Variants in LRMDA observed in about 807,000 individuals in gnomAD.
LRMDA encodes the protein leucine rich melanocyte differentiation associated, also known as leucine-rich melanocyte differentiation-associated protein.
A neutral mutation model predicts 29.8 loss-of-function variants in LRMDA; 18 were observed. The observed-to-expected ratio is 0.60, with a 90% CI of 0.42 to 0.90. The LOEUF is 0.90. LRMDA is among the 40% of genes least tolerant of loss of function. The probability of loss-of-function intolerance (pLI) is 0.00; values close to 1 mark genes in which losing one functional copy is unlikely to be tolerated. For missense variants in LRMDA, 273 were observed against 273.9 expected, an observed-to-expected ratio of 1.00 and a Z score of 0.02; for synonymous variants, 125 against 109.4, an observed-to-expected ratio of 1.14 and a Z score of -0.89.
rs145651283 is a variant in LRMDA at position 76,040,570 on chromosome 10, TTCTC to T, written c.258+4451_258+4454del. 1.2e-4 allele frequency among the ~76,000 whole-genome samples: 17 copies of T among 145,690 alleles called. 1 individual carries two copies. Among genetic ancestry groups the T allele is most frequent in the Admixed American group, 1.0e-3 (14 of 13,708 alleles). ...ACCCCTTCCCCACTGCTCACACTCTTTCTCTCTCTCTCTCTCTCACACCCAACCA... is the reference window on the plus strand; with the variant it reads ...ACCCCTTCCCCACTGCTCACACTCTTTCTCTCTCTCTCTCACACCCAACCA... On this transcript the variant is annotated intron_variant, in intron 3 of 6. Coordinates refer to ENST00000611255, the MANE Select transcript of LRMDA (RefSeq NM_001305581.2).
chr10:76,014,604 A>G (rs1343869122), intron 2 of LRMDA, among the ~76,000 whole-genome samples: 1 of 152,224 alleles, frequency 6.6e-6, no homozygotes, highest in Admixed American at 6.5e-5. Context: ...ATGAAACAAA[A>G]TAGCAGTTCA....
At chr10:76,002,184 C>A (rs1213550902) in intron 2 of LRMDA, among the ~76,000 whole-genome samples, 1 of 152,152 alleles carries the variant, frequency 6.6e-6, no homozygotes, top group Non-Finnish European at 1.5e-5. Flanking sequence ...AGACAGCACA[C>A]CCTGTTCACT....
At chr10:75,751,875 G>A (rs185335588) in intron 2 of LRMDA, among the ~76,000 whole-genome samples, 1 of 152,180 alleles carries the variant, frequency 6.6e-6, no homozygotes, top group Non-Finnish European at 1.5e-5. Flanking sequence ...CCTGAAGTGG[G>A]CTGTGCATCC....
chr10:76,554,882 T>TGTGTG (rs1467454637), intron 6 of LRMDA, among the ~76,000 whole-genome samples: 1 of 150,598 alleles, frequency 6.6e-6, no homozygotes, highest in Non-Finnish European at 1.5e-5. Context: ...TGTGTGTGTG[T>TGTGTG]GTGTGTGTGT....
rs146075120 is a variant in LRMDA, at chr10:76,407,214, A to G, written c.601+82729A>G. 1.5e-3 allele frequency among the ~76,000 whole-genome samples: 221 copies of G among 152,318 alleles called. 3 individuals are homozygous for G. The highest frequency in any genetic ancestry group is 2.6e-3 in the Non-Finnish European group (174 of 68,028). ...TGGAGGAAGGCAGGGAGTGATACTC[A>G]AAGTTGCGGATATGTCTTAAGAGAA... is the stretch of plus-strand genomic sequence containing the variant. On this transcript the variant is annotated intron_variant, in intron 6 of 6. Transcript: ENST00000611255.
chr10:76,043,885 G>C (rs775365435), intron 3 of LRMDA, among the ~76,000 whole-genome samples: 1 of 152,234 alleles, frequency 6.6e-6, no homozygotes, highest in Non-Finnish European at 1.5e-5. Context: ...AGAAAAAAGA[G>C]CCAAGCTTTG....
chr10:75,996,620 A>G (rs1041164039), intron 2 of LRMDA, among the ~76,000 whole-genome samples: 4 of 152,186 alleles, frequency 2.6e-5, no homozygotes, highest in African/African-American at 9.7e-5. Context: ...ATTGCATATC[A>G]TTCTATACTC....
chr10:76,240,732 C>A (rs1852257726), intron 5 of LRMDA, among the ~76,000 whole-genome samples: 1 of 149,196 alleles, frequency 6.7e-6, no homozygotes, highest in Non-Finnish European at 1.5e-5. Flanking sequence ...GCCCAAATGC[C>A]CATTAATCAA....
intron 2 of LRMDA, among the ~76,000 whole-genome samples, chr10:75,476,643 C>A (rs1401517470): frequency 6.6e-6 from 1 of 152,142 alleles, no homozygotes; most frequent in Non-Finnish European, 1.5e-5. Flanking sequence ...CAGCAGATGA[C>A]TTTTCTAGCT....
At chr10:76,245,786 A>G (rs751035075) in intron 5 of LRMDA, among the ~76,000 whole-genome samples, 9 of 152,212 alleles carry the variant, frequency 5.9e-5, no homozygotes, top group Non-Finnish European at 1.3e-4. Flanking sequence ...ATTGTATACA[A>G]TACACCAGAC....
At chr10:75,790,866 A>G (rs1018150304) in intron 2 of LRMDA, among the ~76,000 whole-genome samples, 10 of 152,246 alleles carry the variant, frequency 6.6e-5, no homozygotes, top group African/African-American at 2.4e-4. Context: ...AAGAACTGCA[A>G]TATCCTCTGT....
intron 2 of LRMDA, among the ~76,000 whole-genome samples, chr10:75,775,181 G>T (rs1306208456): frequency 1.3e-5 from 2 of 152,248 alleles, no homozygotes; most frequent in African/African-American, 4.8e-5. Flanking sequence ...TTTATAGGAA[G>T]AGGTCAGATT....
At chr10:76,188,826 G>A (rs1851192583) in intron 5 of LRMDA, among the ~76,000 whole-genome samples, 1 of 152,042 alleles carries the variant, frequency 6.6e-6, no homozygotes, top group African/African-American at 2.4e-5. Flanking sequence ...TAATAGAGAG[G>A]TGTTCAAACC....
chr10:75,560,374 C>T (rs1393337366), intron 2 of LRMDA, among the ~76,000 whole-genome samples: 1 of 151,220 alleles, frequency 6.6e-6, no homozygotes, highest in African/African-American at 2.4e-5. Flanking sequence ...GATTTTTGCA[C>T]ATTGATTTTG....
Position 76,557,431 on chromosome 10 carries a change from C to T in LRMDA, c.*143C>T, listed in dbSNP as rs1374895337. ...TATGACTTCAGCTTTTGGTACCTTCCGCTGACTTTGCCAGGCCTGTCAAGA... is the reference window on the plus strand; with the variant it reads ...TATGACTTCAGCTTTTGGTACCTTCTGCTGACTTTGCCAGGCCTGTCAAGA... On this transcript the variant is annotated 3_prime_UTR_variant, in exon 7 of 7. Coordinates refer to ENST00000611255, the MANE Select transcript of LRMDA (RefSeq NM_001305581.2). The T allele has an allele frequency of 1.5e-5, 10 of 679,578 alleles. No individual in the cohort carries two copies. Among genetic ancestry groups the T allele is most frequent in the South Asian group, 5.5e-5 (3 of 54,126 alleles). 42.1% of individuals were successfully genotyped at this position (679,578 alleles called of 1,614,324 possible).
chr10:75,954,929 T>G (rs143257459), intron 2 of LRMDA, among the ~76,000 whole-genome samples: 68 of 152,320 alleles, frequency 4.5e-4, no homozygotes, highest in African/African-American at 1.5e-3. Context: ...TTTTTATGAA[T>G]GCACACAAGT....
chr10:75,547,557 G>A (rs192785998), intron 2 of LRMDA, among the ~76,000 whole-genome samples: 11 of 152,244 alleles, frequency 7.2e-5, no homozygotes, highest in East Asian at 3.9e-4. Flanking sequence ...TGTGTGTTTC[G>A]TCTTTATCAA....
At chr10:75,812,406 T>C (rs773925964) in intron 2 of LRMDA, among the ~76,000 whole-genome samples, 1 of 151,998 alleles carries the variant, frequency 6.6e-6, no homozygotes, top group Non-Finnish European at 1.5e-5. Flanking sequence ...ATATTTACGA[T>C]TGTGTGTTAA....
chr10:76,095,390 A>G (rs972108908), intron 5 of LRMDA, among the ~76,000 whole-genome samples: 1 of 152,222 alleles, frequency 6.6e-6, no homozygotes, highest in Non-Finnish European at 1.5e-5. Context: ...GCTGAGGGGC[A>G]GTTAGTCCAG....
Sources: allele counts gnomAD v4.1 joint callset (sites outside exome capture counted in the v4.1 genomes callset), GRCh38; gene constraint gnomAD v4.1.1; transcripts MANE v1.5; gene names NCBI Gene and HGNC (gene_info 2026-07-23, HGNC 2026-07-21).